MYO9A: variants seen among roughly 807,000 people sequenced by gnomAD.
MYO9A encodes the protein unconventional myosin-IXa.
In MYO9A, 103 loss-of-function variants were observed where a neutral mutation model predicts 293.3. The observed-to-expected ratio is 0.35, with a 90% CI of 0.30 to 0.41. The LOEUF is 0.41. Among genes scored for constraint, MYO9A ranks in the 10% least tolerant of loss-of-function variants. The pLI, the probability that MYO9A is intolerant of heterozygous loss-of-function variation, is 1.00. For synonymous variants in MYO9A, 1,001 were observed against 1,035.7 expected (o/e 0.97, Z 0.64); for missense variants, 2,685 against 3,033.0 (o/e 0.89, Z 2.69).
chr15:71,875,488 T>C (rs1409587994), intron 32 of MYO9A, among the ~76,000 whole-genome samples: 1 of 152,198 alleles, frequency 6.6e-6, no homozygotes, highest in Non-Finnish European at 1.5e-5. Flanking sequence ...ACCCCTGTTT[T>C]CTTTAGAAGG....
At chr15:71,900,878 C>T (rs2057463308) in intron 23 of MYO9A, among the ~76,000 whole-genome samples, 1 of 152,104 alleles carries the variant, frequency 6.6e-6, no homozygotes, top group African/African-American at 2.4e-5. Context: ...AACATCACTC[C>T]AAAAACTATT....
intron 9 of MYO9A, among the ~76,000 whole-genome samples, chr15:71,996,907 T>C (rs980162065): frequency 6.6e-6 from 1 of 152,018 alleles, no homozygotes; most frequent in Non-Finnish European, 1.5e-5. Context: ...GTAAATACGA[T>C]GGATTTCACT....
chr15:71,923,048 T>TACATCTG (rs2058196703), intron 18 of MYO9A, among the ~76,000 whole-genome samples: 1 of 152,170 alleles, frequency 6.6e-6, no homozygotes. Flanking sequence ...TATGTTGAGG[T>TACATCTG]ACATCTGTTC....
chr15:71,893,118 C>T (rs1283019026), intron 26 of MYO9A: 1 of 1,290,094 alleles, frequency 7.8e-7, no homozygotes, highest in Non-Finnish European at 1.0e-6. Context: ...TACCTCTAGT[C>T]AAGAAATCGG....
At position 72,118,104 on chromosome 15, in the gene MYO9A, C is replaced by T; in HGVS notation, c.-496G>A. 1 of 390,164 alleles carries T rather than the reference C, an allele frequency of 2.6e-6. No individual in the cohort carries two copies. The highest frequency in any genetic ancestry group is 4.5e-6 in the Non-Finnish European group (1 of 220,752). The allele number at this position is 390,164 out of a possible 1,614,324, so 24.2% of individuals were successfully genotyped here. Reference sequence around the variant, plus strand: ...CGCGCCCCCGACCCCGCGCACGCGGCCCCGCCCCGCGCGACTCCCCGGCTG... The same window carrying T: ...CGCGCCCCCGACCCCGCGCACGCGGTCCCGCCCCGCGCGACTCCCCGGCTG... On this transcript the variant is annotated 5_prime_UTR_variant, in exon 1 of 42. Coordinates refer to ENST00000356056, the MANE Select transcript of MYO9A (RefSeq NM_006901.4).
At chr15:71,913,126 G>A (rs532329143) in intron 19 of MYO9A, among the ~76,000 whole-genome samples, 45 of 151,690 alleles carry the variant, frequency 3.0e-4, no homozygotes, top group Non-Finnish European at 5.7e-4. Flanking sequence ...ATGTTAGACT[G>A]CATCATATTG....
rs181901091 is a variant in MYO9A at position 72,009,705 on chromosome 15, A to C, written c.1253+645T>G. Among the ~76,000 whole-genome samples, 7 of 152,202 alleles carry C rather than the reference A, an allele frequency of 4.6e-5. No homozygotes were observed. The East Asian group carries it at 9.7e-4, about 21-fold the overall frequency. On this transcript the variant is annotated intron_variant, in intron 7 of 41. Coordinates refer to ENST00000356056, the MANE Select transcript of MYO9A (RefSeq NM_006901.4). ...AGAGTGAGATGCTGTCTCCAAAAAA[A>C]ACAAAGAAAAAAAAATTAACAATAT...
At chr15:71,856,588 C>T (rs1410768011) in intron 34 of MYO9A, among the ~76,000 whole-genome samples, 1 of 151,958 alleles carries the variant, frequency 6.6e-6, no homozygotes, top group East Asian at 1.9e-4. Context: ...ATGAAGCTAC[C>T]AGATAATTTT....
intron 26 of MYO9A, chr15:71,891,450 A>G (rs922670924): frequency 6.6e-6 from 1 of 152,232 alleles, no homozygotes; most frequent in African/African-American, 2.4e-5. Flanking sequence ...GTTTTTCTGC[A>G]AACAATAAAT....
chr15:72,027,589 G>A, intron 4 of MYO9A, 142 bp downstream of exon 4: 4 of 619,198 alleles, frequency 6.5e-6, no homozygotes, highest in Non-Finnish European at 8.4e-6. Flanking sequence ...GCAAAGTTCT[G>A]CCCATGACAG....
At chr15:71,902,516 CT>C (rs376725920) in intron 22 of MYO9A, among the ~76,000 whole-genome samples, 82 of 152,002 alleles carry the variant, frequency 5.4e-4, no homozygotes, top group African/African-American at 1.9e-3. Flanking sequence ...GTAAGAATCT[CT>C]TTGTAAAAGG....
At chr15:71,863,131 A>G (rs1596056842) in intron 32 of MYO9A, among the ~76,000 whole-genome samples, 1 of 151,592 alleles carries the variant, frequency 6.6e-6, no homozygotes. Context: ...ACAGTGTTTC[A>G]CCATGTTGGC....
chr15:71,897,403 C>T (rs1275947543), intron 25 of MYO9A, 58 bp downstream of exon 25: 15 of 1,503,670 alleles, frequency 1.0e-5, no homozygotes, highest in Non-Finnish European at 1.3e-5. Flanking sequence ...AACAAGGCAC[C>T]TTAATAAAAA....
rs536116623 is a variant in MYO9A at position 71,841,135 on chromosome 15, CT to C, written c.6837+7709del. Among the ~76,000 whole-genome samples, 984 of 152,206 alleles carry C rather than the reference CT, an allele frequency of 6.5e-3. 10 individuals carry two copies. The highest frequency in any genetic ancestry group is 0.023 in the African/African-American group (957 of 41,520). ...GAATTCTCTTATCATCTTTAAGTTC[CT>C]TCATTGATTTTCTTGAGTTTTGCAT... On this transcript the variant is annotated intron_variant, in intron 39 of 41. Coordinates refer to ENST00000356056, the MANE Select transcript of MYO9A (RefSeq NM_006901.4).
Position 71,903,969 on chromosome 15 carries a change from C to A in MYO9A, c.2837G>T (p.Arg946Leu). 6.2e-7 allele frequency: 1 copy of A among 1,614,042 alleles called. No individual in the cohort carries two copies. The highest frequency in any genetic ancestry group is 8.5e-7 in the Non-Finnish European group (1 of 1,179,976). Residue 946 changes from arginine to leucine, a missense_variant, in exon 21 of 42, where the codon CGA becomes CTA. This residue lies in a region of MYO9A where 1,434 missense variants were observed against 1,497.7 expected (regional missense o/e 0.96). Coordinates refer to ENST00000356056, the MANE Select transcript of MYO9A (RefSeq NM_006901.4). ...LRYTGMLETV[R>L]IRQSGYSSKY... Reference sequence around the variant, plus strand: ...GGAGCTGTATCCTGATTGGCGAATTCGAACTGTTTCCAGCATCCCGGTGTA... The same window carrying A: ...GGAGCTGTATCCTGATTGGCGAATTAGAACTGTTTCCAGCATCCCGGTGTA...
At chr15:72,006,113 T>A (rs2077009577) in intron 8 of MYO9A, among the ~76,000 whole-genome samples, 1 of 152,176 alleles carries the variant, frequency 6.6e-6, no homozygotes, top group African/African-American at 2.4e-5. Context: ...GGTCTCGCTC[T>A]GTTACCCAGG....
chr15:71,825,599 A>ATTGT lies in MYO9A; in HGVS notation c.*980_*981insACAA. 6.6e-6 allele frequency: 1 copy of ATTGT among 151,462 alleles called. No homozygotes were observed. The highest frequency in any genetic ancestry group is 2.1e-4 in the South Asian group (1 of 4,786). 9.4% of individuals were successfully genotyped at this position (151,462 alleles called of 1,614,324 possible). ...TTTTGGAAACTAACTAAACGGTCAC[A>ATTGT]TTATTTGTTTGTTTGTTTGAGTCTG... On this transcript the variant is annotated 3_prime_UTR_variant, in exon 42 of 42. Transcript: ENST00000356056.
At chr15:71,978,988 GAT>G (rs201917981) in intron 11 of MYO9A, among the ~76,000 whole-genome samples, 1,857 of 152,136 alleles carry the variant, frequency 0.012, 57 homozygotes, top group Admixed American at 0.057. Context: ...ATGTAAAGGA[GAT>G]ATGTTTCTGC....
Position 71,845,176 on chromosome 15 carries a change from C to CT in MYO9A, c.6837+3668dup, listed in dbSNP as rs574844443. Among the ~76,000 whole-genome samples, 830 of 151,920 alleles carry CT rather than the reference C, an allele frequency of 5.5e-3. 3 individuals carry two copies. Among genetic ancestry groups the CT allele is most frequent in the African/African-American group, 0.019 (767 of 41,444 alleles). On this transcript the variant is annotated intron_variant, in intron 39 of 41. Coordinates refer to ENST00000356056, the MANE Select transcript of MYO9A (RefSeq NM_006901.4). ...ATAAGGAGAGATCCTTTATCCAAGG[C>CT]TTTTTTTTGAAAAGACTGGTTGTTT...
Sources: allele counts gnomAD v4.1 joint callset (sites outside exome capture counted in the v4.1 genomes callset), GRCh38; gene constraint gnomAD v4.1.1; regional missense constraint gnomAD v4.1.1; transcripts MANE v1.5; gene names NCBI Gene and HGNC (gene_info 2026-07-23, HGNC 2026-07-21).